The following HECW1 variants were observed in gnomAD, a reference collection of about 807,000 sequenced individuals.
HECW1 encodes E3 ubiquitin-protein ligase HECW1.
HECW1 carries 61 observed loss-of-function variants against 182.3 expected under a neutral mutation model. That is an observed-to-expected ratio of 0.33 (90% CI 0.27 to 0.41). HECW1 has a LOEUF of 0.41. Among genes scored for constraint, HECW1 ranks in the 10% least tolerant of loss-of-function variants. The pLI is 1.00. For synonymous variants in HECW1, 859 were observed against 832.6 expected, an observed-to-expected ratio of 1.03 and a Z score of -0.55; for missense variants, 1,739 against 2,108.9, an observed-to-expected ratio of 0.82 and a Z score of 3.44.
At chr7:43,326,871 C>T (rs574349538) in intron 5 of HECW1, among the ~76,000 whole-genome samples, 99 of 152,310 alleles carry the variant, frequency 6.5e-4, no homozygotes, top group African/African-American at 2.0e-3. Context: ...TTCCCTGCGG[C>T]GAAGCAGCCA....
chr7:43,424,146 C>G (rs1455340388), intron 8 of HECW1, among the ~76,000 whole-genome samples: 1 of 152,138 alleles, frequency 6.6e-6, no homozygotes, highest in African/African-American at 2.4e-5. Context: ...GACTGTGATT[C>G]CATCCTTTTG....
chr7:43,175,816 GGTT>G (rs1167167377), intron 2 of HECW1, among the ~76,000 whole-genome samples: 3 of 152,034 alleles, frequency 2.0e-5, no homozygotes, highest in African/African-American at 7.2e-5. Flanking sequence ...GACGGCTTTT[GGTT>G]GTTCTAGTCA....
intron 3 of HECW1, among the ~76,000 whole-genome samples, chr7:43,302,626 T>A (rs1400792034): frequency 6.6e-6 from 1 of 152,126 alleles, no homozygotes; most frequent in African/African-American, 2.4e-5. Flanking sequence ...CCCGGGAGGA[T>A]GATGTGGCTG....
intron 16 of HECW1, among the ~76,000 whole-genome samples, chr7:43,469,997 ACT>A (rs2077953319): frequency 6.6e-6 from 1 of 151,898 alleles, no homozygotes; most frequent in Non-Finnish European, 1.5e-5. Context: ...CAGAACCTGG[ACT>A]CTCTGGAGTG....
At chr7:43,481,764 C>A (rs988752805) in intron 17 of HECW1, among the ~76,000 whole-genome samples, 4 of 152,162 alleles carry the variant, frequency 2.6e-5, no homozygotes, top group African/African-American at 9.6e-5. Flanking sequence ...GCAGGCAGAT[C>A]ACGAGGTCAG....
chr7:43,244,926 C>T (rs1263606864), intron 3 of HECW1, among the ~76,000 whole-genome samples: 12 of 152,202 alleles, frequency 7.9e-5, no homozygotes, highest in Admixed American at 6.5e-4. Context: ...TGCCTTGGTA[C>T]GCGTCAGCGG....
intron 2 of HECW1, among the ~76,000 whole-genome samples, chr7:43,129,807 G>A (rs937258512): frequency 6.6e-6 from 1 of 151,994 alleles, no homozygotes; most frequent in Non-Finnish European, 1.5e-5. Context: ...GCTGGTATAC[G>A]ATGGTGTGGT....
At chr7:43,358,276 C>A (rs767630628) in intron 5 of HECW1, among the ~76,000 whole-genome samples, 1 of 152,104 alleles carries the variant, frequency 6.6e-6, no homozygotes, top group Non-Finnish European at 1.5e-5. Context: ...TTCCCTGATC[C>A]CTGACTTATG....
chr7:43,130,689 C>T (rs930699715), intron 2 of HECW1, among the ~76,000 whole-genome samples: 3 of 152,172 alleles, frequency 2.0e-5, no homozygotes, highest in Non-Finnish European at 4.4e-5. Context: ...TAGACAATGA[C>T]AACAAACATC....
intron 6 of HECW1, among the ~76,000 whole-genome samples, chr7:43,370,835 A>G (rs1435868539): frequency 6.6e-6 from 1 of 152,038 alleles, no homozygotes; most frequent in African/African-American, 2.4e-5. Flanking sequence ...GTGAAGATTT[A>G]GCGGGGAAGG....
chr7:43,494,828 C>A (rs1232693954), intron 19 of HECW1, among the ~76,000 whole-genome samples: 1 of 152,086 alleles, frequency 6.6e-6, no homozygotes, highest in African/African-American at 2.4e-5. Flanking sequence ...GTCAAGATTT[C>A]TAAGCATAAT....
chr7:43,390,953 C>T (rs2075005891), intron 6 of HECW1, among the ~76,000 whole-genome samples: 1 of 151,956 alleles, frequency 6.6e-6, no homozygotes, highest in Admixed American at 6.6e-5. Context: ...TTAACAGGAC[C>T]CTTTTAGAAT....
intron 7 of HECW1, 34 bp downstream of exon 7, chr7:43,396,923 A>AC (rs750030710): frequency 1.1e-5 from 16 of 1,486,576 alleles, no homozygotes; most frequent in Non-Finnish European, 1.5e-5. Flanking sequence ...TTGTGGAGAG[A>AC]CTAAGAATGT....
rs57331029 is a variant in HECW1, at chr7:43,342,552, G to C, written c.461-18334G>C. 7.6e-3 allele frequency among the ~76,000 whole-genome samples: 1,150 copies of C among 151,708 alleles called. 35 individuals carry two copies. Among genetic ancestry groups the C allele is most frequent in the Middle Eastern group, 0.034 (10 of 292 alleles). ...TATTCTACTGTTACTTAATCTTTTT[G>C]AGCATCTGAAGACATTGTACTTTCC... is the stretch of plus-strand genomic sequence containing the variant. On this transcript the variant is annotated intron_variant, in intron 5 of 29. Coordinates refer to ENST00000395891, the MANE Select transcript of HECW1 (RefSeq NM_015052.5).
chr7:43,147,845 C>T (rs1788881607), intron 2 of HECW1, among the ~76,000 whole-genome samples: 1 of 152,136 alleles, frequency 6.6e-6, no homozygotes, highest in African/African-American at 2.4e-5. Flanking sequence ...TTTCAGTCTT[C>T]CCTACTAGAC....
At chr7:43,363,451 A>AT (rs1221532180) in intron 6 of HECW1, among the ~76,000 whole-genome samples, 1 of 152,072 alleles carries the variant, frequency 6.6e-6, no homozygotes, top group Non-Finnish European at 1.5e-5. Flanking sequence ...TGTCACCCTG[A>AT]TTTTTATCTC....
At chr7:43,157,348 T>G (rs1177559865) in intron 2 of HECW1, among the ~76,000 whole-genome samples, 2 of 152,204 alleles carry the variant, frequency 1.3e-5, no homozygotes, top group Non-Finnish European at 2.9e-5. Context: ...TCTGGCTGCA[T>G]TATTCAAGAC....
chr7:43,396,261 C>A (rs2075226572), intron 6 of HECW1, among the ~76,000 whole-genome samples: 2 of 152,080 alleles, frequency 1.3e-5, no homozygotes, highest in Admixed American at 6.6e-5. Context: ...ATCCATGTAA[C>A]AATTGTGTTC....
chr7:43,357,700 AAT>A (rs1418704408), intron 5 of HECW1, among the ~76,000 whole-genome samples: 7 of 151,692 alleles, frequency 4.6e-5, no homozygotes, highest in Non-Finnish European at 7.4e-5. Context: ...TGTAATTTAT[AAT>A]ATGTTTTTAT....
Sources: gnomAD v4.1 joint callset for allele counts (sites outside exome capture counted in the v4.1 genomes callset) on GRCh38, gnomAD v4.1.1 for gene constraint, MANE v1.5 for transcripts, NCBI Gene and HGNC (gene_info 2026-07-23, HGNC 2026-07-21) for gene names.